Variants in VAT1L observed in about 807,000 individuals in gnomAD.
VAT1L encodes vesicle amine transport 1 like, also known as putative NADPH-dependent quinone oxidoreductase VAT1L.
A neutral mutation model predicts 44.1 loss-of-function variants in VAT1L; 34 were observed. That is an observed-to-expected ratio of 0.77 (90% CI 0.59 to 1.03). The LOEUF (loss-of-function observed/expected upper bound fraction) is 1.03. Among genes scored for constraint, VAT1L ranks in the 50% least tolerant of loss-of-function variants. The pLI is 0.00. For missense variants in VAT1L, 615 were observed against 538.8 expected, an observed-to-expected ratio of 1.14 and a Z score of -1.40; for synonymous variants, 253 against 202.2, an observed-to-expected ratio of 1.25 and a Z score of -2.13.
At chr16:77,811,964 G>A (rs1032076118) in intron 1 of VAT1L, among the ~76,000 whole-genome samples, 2 of 152,270 alleles carry the variant, frequency 1.3e-5, no homozygotes, top group Admixed American at 6.5e-5. Flanking sequence ...TGAGAGCTGG[G>A]GAAGGCTTCA....
At chr16:77,949,284 T>C (rs552732202) in intron 7 of VAT1L, among the ~76,000 whole-genome samples, 4 of 152,270 alleles carry the variant, frequency 2.6e-5, no homozygotes, top group African/African-American at 9.6e-5. Context: ...CAAGTCTAGA[T>C]TCTGGTGGCC....
At chr16:77,877,156 G>C (rs1246543878) in intron 5 of VAT1L, among the ~76,000 whole-genome samples, 2 of 152,058 alleles carry the variant, frequency 1.3e-5, no homozygotes, top group South Asian at 4.1e-4. Flanking sequence ...GAGGCTCCAG[G>C]GCCTCCTTTC....
At chr16:77,901,062 A>T (rs1441689868) in intron 7 of VAT1L, among the ~76,000 whole-genome samples, 1 of 151,504 alleles carries the variant, frequency 6.6e-6, no homozygotes, top group South Asian at 2.1e-4. Context: ...ATGGGAGAAG[A>T]CACAGCAAGT....
intron 5 of VAT1L, among the ~76,000 whole-genome samples, chr16:77,877,995 C>T (rs1461249439): frequency 3.3e-5 from 5 of 152,206 alleles, no homozygotes; most frequent in African/African-American, 7.2e-5. Context: ...ACGATGTAGT[C>T]ATCCTTACTT....
chr16:77,833,766 GA>G lies in VAT1L; in HGVS notation c.579+8313del, dbSNP rs201300530. Reference sequence around the variant, plus strand: ...CTCTGTCTCAAAAAAAAAAGAAAAAGAAAAAAAAGAAAAATGAAAGTGGGAA... The same window carrying G: ...CTCTGTCTCAAAAAAAAAAGAAAAAGAAAAAAAGAAAAATGAAAGTGGGAA... On this transcript the variant is annotated intron_variant, in intron 3 of 8. Transcript: ENST00000302536. 6.6e-5 allele frequency among the ~76,000 whole-genome samples: 10 copies of G among 151,228 alleles called. 1 individual carries two copies. The Middle Eastern group carries it at 0.014, about 207-fold the overall frequency.
At chr16:77,931,229 A>C (rs1321362848) in intron 7 of VAT1L, among the ~76,000 whole-genome samples, 1 of 152,218 alleles carries the variant, frequency 6.6e-6, no homozygotes, top group African/African-American at 2.4e-5. Context: ...TAGGCAGCCT[A>C]GCTTTATATA....
At chr16:77,880,915 A>C (rs1199017224) in intron 6 of VAT1L, among the ~76,000 whole-genome samples, 1 of 152,168 alleles carries the variant, frequency 6.6e-6, no homozygotes, top group Non-Finnish European at 1.5e-5. Flanking sequence ...ACGTTGCTGC[A>C]AAGGACATGA....
At chr16:77,946,279 C>CTTTTTTTTTTTTTTTCTTTTTTT (rs2017964266) in intron 7 of VAT1L, among the ~76,000 whole-genome samples, 1 of 70,428 alleles carries the variant, frequency 1.4e-5, no homozygotes, top group Non-Finnish European at 2.5e-5. Flanking sequence ...GTTACTTGTT[C>CTTTTTTTTTTTTTTTCTTTTTTT]TTTTTTTTTT....
Position 77,884,261 on chromosome 16 carries a change from T to C in VAT1L, c.883-347T>C, listed in dbSNP as rs1446098629. ...CAAGATGGTGAAACCCCATCCCTACTAAAAATACAAAAATTAGCTGGGCAT... is the reference window on the plus strand; with the variant it reads ...CAAGATGGTGAAACCCCATCCCTACCAAAAATACAAAAATTAGCTGGGCAT... On this transcript the variant is annotated intron_variant, in intron 6 of 8. Transcript: ENST00000302536. This position sits in a 1 kb window ranked among gnomAD's most constrained non-coding sequence, Gnocchi z 4.5. Among the ~76,000 whole-genome samples, 1 of 151,678 alleles carries C rather than the reference T, an allele frequency of 6.6e-6. No homozygotes were observed. Among genetic ancestry groups the C allele is most frequent in the Non-Finnish European group, 1.5e-5 (1 of 67,902 alleles).
chr16:77,908,639 G>A (rs533303405), intron 7 of VAT1L, among the ~76,000 whole-genome samples: 1 of 152,182 alleles, frequency 6.6e-6, no homozygotes, highest in Non-Finnish European at 1.5e-5. Flanking sequence ...AAGGAGGCCG[G>A]GCGCGGTGAC....
At chr16:77,865,363 G>A (rs1026868409) in intron 4 of VAT1L, among the ~76,000 whole-genome samples, 2 of 151,998 alleles carry the variant, frequency 1.3e-5, no homozygotes, top group Non-Finnish European at 2.9e-5. Context: ...ACTTCCTTAC[G>A]TGTATTTTTG....
At chr16:77,937,588 T>G (rs1034188165) in intron 7 of VAT1L, among the ~76,000 whole-genome samples, 9 of 152,242 alleles carry the variant, frequency 5.9e-5, no homozygotes, top group Admixed American at 5.2e-4. Context: ...CTTGTAATGC[T>G]TGAGGCTAGA....
chr16:77,804,790 C>T (rs950233836), intron 1 of VAT1L, among the ~76,000 whole-genome samples: 3 of 152,236 alleles, frequency 2.0e-5, no homozygotes, highest in Middle Eastern at 3.4e-3. Context: ...GTCTTTAGCT[C>T]CAGCAGCCAT....
intron 7 of VAT1L, among the ~76,000 whole-genome samples, chr16:77,926,029 G>T (rs544113525): frequency 6.6e-6 from 1 of 151,968 alleles, no homozygotes; most frequent in Non-Finnish European, 1.5e-5. Flanking sequence ...TTGGGAGGCC[G>T]AGGCGGGTGG....
intron 7 of VAT1L, among the ~76,000 whole-genome samples, chr16:77,966,121 T>C (rs389832): frequency 0.23 from 35,186 of 152,214 alleles, 4,558 homozygotes; most frequent in South Asian, 0.32. Context: ...AAAGAAAATA[T>C]CTCAAAATTA....
chr16:77,855,409 T>C (rs963693160), intron 3 of VAT1L, among the ~76,000 whole-genome samples: 3 of 151,804 alleles, frequency 2.0e-5, no homozygotes, highest in East Asian at 1.9e-4. Flanking sequence ...CACAACCCAT[T>C]TGAGAAACTT....
rs139225156 is a variant in VAT1L, at chr16:77,934,940, C to A, written c.1078-36910C>A. The stretch of plus-strand genomic sequence containing the variant: ...AACAATTTCACAGCAGCTTAATGGA[C>A]CTGCCTGTCATTTTACCTTGAAAAG... On this transcript the variant is annotated intron_variant, in intron 7 of 8. Transcript: ENST00000302536. 3.9e-4 allele frequency among the ~76,000 whole-genome samples: 60 copies of A among 152,180 alleles called. No homozygotes were observed. The East Asian group carries it at 4.8e-3, about 12-fold the overall frequency.
chr16:77,836,175 G>A (rs2016636758), intron 3 of VAT1L, among the ~76,000 whole-genome samples: 1 of 152,070 alleles, frequency 6.6e-6, no homozygotes, highest in African/African-American at 2.4e-5. Flanking sequence ...GTTAATTATA[G>A]TCAGAGGATC....
intron 7 of VAT1L, among the ~76,000 whole-genome samples, chr16:77,964,867 C>T (rs2018205961): frequency 6.8e-6 from 1 of 147,670 alleles, no homozygotes; most frequent in Non-Finnish European, 1.5e-5. Flanking sequence ...AATCTCAGCT[C>T]ACCGCAACTT....
Sources: gnomAD v4.1 joint callset for allele counts (sites outside exome capture counted in the v4.1 genomes callset) on GRCh38, gnomAD v4.1.1 for gene constraint, Gnocchi (gnomAD v3.1) non-coding constraint, MANE v1.5 for transcripts, NCBI Gene and HGNC (gene_info 2026-07-23, HGNC 2026-07-21) for gene names.